The following NEXMIF variants were observed in gnomAD, a reference collection of about 807,000 sequenced individuals.
NEXMIF encodes the protein XLMR protein related to neurite extension.
A neutral mutation model predicts 62.1 loss-of-function variants in NEXMIF; 8 were observed. That is an observed-to-expected ratio of 0.13 (90% CI 0.08 to 0.23). NEXMIF has a LOEUF of 0.23. Ranked by LOEUF, NEXMIF falls within the 10% of genes least tolerant of loss-of-function variation. The pLI is 1.00. For synonymous variants in NEXMIF, 404 were observed against 416.6 expected (o/e 0.97, Z 0.37); for missense variants, 976 against 1,113.3 (o/e 0.88, Z 1.75).
At chrX:74,789,366 G>A (rs1298199927) in intron 1 of NEXMIF, among the ~76,000 whole-genome samples, 2 of 106,194 alleles carry the variant, frequency 1.9e-5, no homozygotes, top group East Asian at 5.9e-4. Context: ...TCTTAATCCA[G>A]TCTATCATTG....
intron 3 of NEXMIF, 94 bp from the exon 4 acceptor site, chrX:74,739,592 T>C (rs1282556741): frequency 6.0e-6 from 3 of 499,851 alleles, no homozygotes; most frequent in Non-Finnish European, 1.0e-5. Context: ...AACATCATAC[T>C]AGATGCCGTA....
Position 74,800,825 on chromosome X carries a change from C to T in NEXMIF, c.-47-55128G>A, listed in dbSNP as rs894413022. Among the ~76,000 whole-genome samples, 51 of 110,886 alleles carry T rather than the reference C, an allele frequency of 4.6e-4. 1 individual carries two copies. Among genetic ancestry groups the T allele is most frequent in the Middle Eastern group, 4.7e-3 (1 of 215 alleles). The stretch of plus-strand genomic sequence containing the variant: ...CAAACTAATGTTGATAGACTGTTAA[C>T]TAAAGTCTATAGTTTATATTAAGAC... On this transcript the variant is annotated intron_variant, in intron 1 of 3. Coordinates refer to ENST00000055682, the MANE Select transcript of NEXMIF (RefSeq NM_001008537.3).
At chrX:74,864,840 C>T (rs1275963341) in intron 1 of NEXMIF, among the ~76,000 whole-genome samples, 1 of 110,666 alleles carries the variant, frequency 9.0e-6, no homozygotes, top group East Asian at 2.8e-4. Flanking sequence ...TCCTGAGTAG[C>T]TGGGACTATA....
At chrX:74,748,599 T>G (rs932138594) in intron 1 of NEXMIF, among the ~76,000 whole-genome samples, 22 of 112,294 alleles carry the variant, frequency 2.0e-4, no homozygotes, top group African/African-American at 6.8e-4. Flanking sequence ...GCTTTGCTGA[T>G]CACAGTAAAT....
intron 1 of NEXMIF, among the ~76,000 whole-genome samples, chrX:74,835,838 C>T (rs2080454567): frequency 8.9e-6 from 1 of 111,971 alleles, no homozygotes; most frequent in African/African-American, 3.2e-5. Flanking sequence ...TGTTTGGTGT[C>T]CTTCCCTTCA....
rs1556024149 is a variant in NEXMIF, at chrX:74,796,303, T to TATATATTATATATATTATATATATATAC, written c.-47-50607_-47-50606insGTATATATATATAATATATATAATATAT. ...ATATATTATATATATTATATATATA[T>TATATATTATATATATTATATATATATAC]ACACACACACACACAATGGATAGAC... On this transcript the variant is annotated intron_variant, in intron 1 of 3. Coordinates refer to ENST00000055682, the MANE Select transcript of NEXMIF (RefSeq NM_001008537.3). Among the ~76,000 whole-genome samples the TATATATTATATATATTATATATATATAC allele has an allele frequency of 2.3e-3, 152 of 65,213 alleles. 15 individuals carry two copies. Among genetic ancestry groups the TATATATTATATATATTATATATATATAC allele is most frequent in the Non-Finnish European group, 3.1e-3 (116 of 36,863 alleles). 56.6% of individuals were successfully genotyped at this position (65,213 alleles called of 115,157 possible).
intron 1 of NEXMIF, among the ~76,000 whole-genome samples, chrX:74,888,810 A>T (rs2080707120): frequency 8.9e-6 from 1 of 112,244 alleles, no homozygotes. Flanking sequence ...ACTCACCTAG[A>T]CGAATAGTTC....
At chrX:74,867,723 G>A (rs2080585370) in intron 1 of NEXMIF, among the ~76,000 whole-genome samples, 1 of 112,040 alleles carries the variant, frequency 8.9e-6, no homozygotes, top group Non-Finnish European at 1.9e-5. Flanking sequence ...CTTGGACACA[G>A]GCAAAGATTT....
chrX:74,914,630 G>A (rs2080800781), intron 1 of NEXMIF, among the ~76,000 whole-genome samples: 1 of 111,957 alleles, frequency 8.9e-6, no homozygotes, highest in African/African-American at 3.2e-5. Flanking sequence ...GCAGTGGGCC[G>A]AGATTGTGCC....
chrX:74,907,974 C>T (rs6607496), intron 1 of NEXMIF, among the ~76,000 whole-genome samples: 15,943 of 110,388 alleles, frequency 0.14, 1,784 homozygotes, highest in East Asian at 0.9. Flanking sequence ...GATCTGGAAA[C>T]AGGCTGCTTC....
At chrX:74,801,914 T>C (rs935858896) in intron 1 of NEXMIF, among the ~76,000 whole-genome samples, 4 of 112,244 alleles carry the variant, frequency 3.6e-5, no homozygotes, top group Non-Finnish European at 7.5e-5. Flanking sequence ...ACATTGGTGC[T>C]AGTCTGGCAG....
intron 1 of NEXMIF, among the ~76,000 whole-genome samples, chrX:74,763,953 C>A (rs1297330252): frequency 1.8e-5 from 2 of 111,318 alleles, no homozygotes; most frequent in Admixed American, 9.6e-5. Context: ...ATTGAATACC[C>A]TTTATTTCCT....
chrX:74,763,158 G>C (rs1030103292), intron 1 of NEXMIF, among the ~76,000 whole-genome samples: 3 of 111,806 alleles, frequency 2.7e-5, no homozygotes, highest in Non-Finnish European at 5.6e-5. Context: ...TTGTAAGGAA[G>C]GGATCCAGTT....
At chrX:74,789,682 T>C (rs1393545150) in intron 1 of NEXMIF, among the ~76,000 whole-genome samples, 17 of 110,593 alleles carry the variant, frequency 1.5e-4, no homozygotes, top group African/African-American at 5.6e-4. Context: ...TGGTGTGAGA[T>C]GGTATCTCAT....
chrX:74,915,207 C>A (rs940339740), intron 1 of NEXMIF, among the ~76,000 whole-genome samples: 3 of 111,556 alleles, frequency 2.7e-5, no homozygotes, highest in African/African-American at 9.8e-5. Flanking sequence ...GAGGCCAAGG[C>A]AGGAGGATTT....
intron 1 of NEXMIF, among the ~76,000 whole-genome samples, chrX:74,792,126 C>T (rs1411411585): frequency 2.7e-5 from 3 of 109,851 alleles, no homozygotes; most frequent in Admixed American, 9.7e-5. Context: ...CTATAAATTT[C>T]CCCCTACACA....
intron 1 of NEXMIF, among the ~76,000 whole-genome samples, chrX:74,854,694 A>C (rs2080528422): frequency 8.9e-6 from 1 of 112,171 alleles, no homozygotes; most frequent in South Asian, 3.7e-4. Context: ...ACTTCACCAA[A>C]AACTCTTAGT....
At chrX:74,876,850 C>T (rs1433489015) in intron 1 of NEXMIF, among the ~76,000 whole-genome samples, 5 of 107,880 alleles carry the variant, frequency 4.6e-5, no homozygotes, top group African/African-American at 6.8e-5. Flanking sequence ...CTTGGTAGAT[C>T]TTCCTCCATC....
chrX:74,795,172 C>T (rs1361974947), intron 1 of NEXMIF, among the ~76,000 whole-genome samples: 1 of 112,256 alleles, frequency 8.9e-6, no homozygotes, highest in African/African-American at 3.2e-5. Flanking sequence ...ACAGCAAATA[C>T]ACTTCTAGGT....
Sources: allele counts gnomAD v4.1 joint callset (sites outside exome capture counted in the v4.1 genomes callset), GRCh38; gene constraint gnomAD v4.1.1; transcripts MANE v1.5; gene names NCBI Gene and HGNC (gene_info 2026-07-23, HGNC 2026-07-21).